The following SNX4 variants were observed in gnomAD, a reference collection of about 807,000 sequenced individuals.
SNX4 encodes sorting nexin 4.
Under a neutral mutation model 70.8 loss-of-function variants are expected in SNX4, and 49 were observed. That is an observed-to-expected ratio of 0.69 (90% CI 0.55 to 0.88). SNX4 has a LOEUF of 0.88. SNX4 is among the 40% of genes least tolerant of loss of function. The pLI is 0.00. For missense variants in SNX4, 528 were observed against 544.8 expected, an observed-to-expected ratio of 0.97 and a Z score of 0.31; for synonymous variants, 206 against 183.8, an observed-to-expected ratio of 1.12 and a Z score of -0.98.
At position 125,497,909 on chromosome 3, in the gene SNX4, T is replaced by G. The variant is rs1169411157; in HGVS notation, c.474A>C (p.Leu158Phe). 6.2e-7 allele frequency: 1 copy of G among 1,614,216 alleles called. No individual in the cohort carries two copies. Among genetic ancestry groups the G allele is most frequent in the Non-Finnish European group, 8.5e-7 (1 of 1,180,036 alleles). Residue 158 changes from leucine (L) to phenylalanine (F), a missense_variant, in exon 4 of 14, where the codon TTA becomes TTC. Physicochemically the swap from Leu to Phe is conservative, Grantham distance 22. Coordinates refer to ENST00000251775, the MANE Select transcript of SNX4 (RefSeq NM_003794.4). ...AAGCAATCCTCAAGAGAAAGTTTTC[T>G]AAACCAATCCGTCGCCTCTCCACAA... ...PDFVERRRIG[L>F]ENFLLRIASH...
chr3:125,504,394 A>G (rs1442480278), intron 2 of SNX4, among the ~76,000 whole-genome samples: 1 of 151,806 alleles, frequency 6.6e-6, no homozygotes, highest in African/African-American at 2.4e-5. Flanking sequence ...CTACTCAGGA[A>G]ACTGAGGTGA....
At chr3:125,491,116 G>A (rs1230028071) in intron 5 of SNX4, among the ~76,000 whole-genome samples, 1 of 152,130 alleles carries the variant, frequency 6.6e-6, no homozygotes, top group Non-Finnish European at 1.5e-5. Flanking sequence ...AATATCTAAA[G>A]TAGTTTATTT....
chr3:125,493,613 C>T (rs1934710152), intron 5 of SNX4, among the ~76,000 whole-genome samples: 1 of 146,988 alleles, frequency 6.8e-6, no homozygotes, highest in Admixed American at 6.8e-5. Flanking sequence ...GAGATCACAC[C>T]ACGGCACTCC....
At chr3:125,483,953 A>G (rs894708214) in intron 6 of SNX4, among the ~76,000 whole-genome samples, 3 of 152,234 alleles carry the variant, frequency 2.0e-5, no homozygotes, top group African/African-American at 7.2e-5. Flanking sequence ...GAGAAATATT[A>G]AAGACTAAAA....
intron 13 of SNX4, 29 bp downstream of exon 13, chr3:125,451,276 T>C: frequency 6.6e-7 from 1 of 1,508,954 alleles, no homozygotes; most frequent in Non-Finnish European, 9.2e-7. Context: ...AATATACATA[T>C]ATCTTCACTG....
chr3:125,515,990 A>G (rs923694880), intron 1 of SNX4, among the ~76,000 whole-genome samples: 4 of 152,236 alleles, frequency 2.6e-5, no homozygotes, highest in Non-Finnish European at 5.9e-5. Flanking sequence ...CCTTACCAAC[A>G]GAATGCCTCA....
intron 13 of SNX4, among the ~76,000 whole-genome samples, chr3:125,450,114 T>C (rs755698016): frequency 4.6e-5 from 7 of 151,890 alleles, no homozygotes; most frequent in Non-Finnish European, 1.0e-4. Context: ...AGACAATGGA[T>C]TGTAAATATC....
In SNX4 at chr3:125,447,478, C is replaced by T. The variant is rs1350471277; in HGVS notation, c.*301G>A. 1.3e-5 allele frequency: 3 copies of T among 227,852 alleles called. No individual in the cohort carries two copies. The highest frequency in any genetic ancestry group is 1.0e-4 in the East Asian group (1 of 10,010). The allele number at this position is 227,852 out of a possible 1,614,324, so 14.1% of individuals were successfully genotyped here. ...CTTGAAACAAACATCTAGAAATTAA[C>T]GAACATCTTGACATTCAGTCATTGG... On this transcript the variant is annotated 3_prime_UTR_variant, in exon 14 of 14. Transcript: ENST00000251775.
At chr3:125,492,423 T>TC in intron 5 of SNX4, among the ~76,000 whole-genome samples, 1 of 152,024 alleles carries the variant, frequency 6.6e-6, no homozygotes, top group South Asian at 2.1e-4. Context: ...GTTGTCCTAA[T>TC]CTTTTTTTTT....
At chr3:125,456,805 C>T (rs1240611891) in intron 11 of SNX4, among the ~76,000 whole-genome samples, 1 of 152,088 alleles carries the variant, frequency 6.6e-6, no homozygotes, top group Non-Finnish European at 1.5e-5. Context: ...GGACTACAGG[C>T]GTGAGGCACC....
At chr3:125,477,706 T>G (rs1302305311) in intron 7 of SNX4, among the ~76,000 whole-genome samples, 1 of 152,194 alleles carries the variant, frequency 6.6e-6, no homozygotes, top group Non-Finnish European at 1.5e-5. Flanking sequence ...AGTAGGTGTA[T>G]GAGGATCATA....
chr3:125,491,733 C>T (rs1260497621), intron 5 of SNX4, among the ~76,000 whole-genome samples: 1 of 152,160 alleles, frequency 6.6e-6, no homozygotes, highest in Non-Finnish European at 1.5e-5. Flanking sequence ...TTATTGTTTC[C>T]TATGATCCTA....
chr3:125,481,317 C>T (rs1300363635), intron 6 of SNX4, among the ~76,000 whole-genome samples: 1 of 151,996 alleles, frequency 6.6e-6, no homozygotes, highest in Non-Finnish European at 1.5e-5. Flanking sequence ...AAATCTGTTT[C>T]CTTGTCAGTA....
At chr3:125,480,465 A>C in intron 6 of SNX4, 146 bp from the exon 7 acceptor site, 2 of 367,810 alleles carry the variant, frequency 5.4e-6, no homozygotes, top group Non-Finnish European at 1.0e-5. Context: ...ACCAATATAA[A>C]TCCAAAAAAC....
intron 1 of SNX4, among the ~76,000 whole-genome samples, chr3:125,510,807 C>A (rs968044794): frequency 6.6e-6 from 1 of 152,172 alleles, no homozygotes; most frequent in Admixed American, 6.6e-5. Flanking sequence ...AATTTCAGCT[C>A]TGCAAGATGA....
intron 5 of SNX4, among the ~76,000 whole-genome samples, chr3:125,490,216 A>G (rs1934621515): frequency 6.6e-6 from 1 of 151,836 alleles, no homozygotes; most frequent in Non-Finnish European, 1.5e-5. Flanking sequence ...TTCATAATCT[A>G]TATTTTAGAA....
chr3:125,459,331 T>C (rs1933815434), intron 10 of SNX4, among the ~76,000 whole-genome samples: 1 of 152,104 alleles, frequency 6.6e-6, no homozygotes, highest in South Asian at 2.1e-4. Flanking sequence ...CCCCAAATGG[T>C]TCCTACATCT....
chr3:125,510,013 G>GT (rs1935137541), intron 1 of SNX4, among the ~76,000 whole-genome samples: 1 of 152,144 alleles, frequency 6.6e-6, no homozygotes, highest in Non-Finnish European at 1.5e-5. Context: ...TGGCGGGAAT[G>GT]TAAAATGGTG....
intron 1 of SNX4, among the ~76,000 whole-genome samples, chr3:125,517,704 AGT>A (rs1195411631): frequency 1.3e-5 from 2 of 152,232 alleles, no homozygotes; most frequent in African/African-American, 4.8e-5. Context: ...GGCCGAGGGC[AGT>A]GGCTCATGTC....
Sources: gnomAD v4.1 joint callset for allele counts (sites outside exome capture counted in the v4.1 genomes callset) on GRCh38, gnomAD v4.1.1 for gene constraint, MANE v1.5 for transcripts, NCBI Gene and HGNC (gene_info 2026-07-23, HGNC 2026-07-21) for gene names.